The following NR2F1-AS1 variants were observed in gnomAD, a reference collection of about 807,000 sequenced individuals.
The protein encoded by NR2F1-AS1 is NR2F1 antisense RNA 1.
chr5:93,574,299 C>T (rs993292387), intron 1 of NR2F1-AS1, among the ~76,000 whole-genome samples: 3 of 152,196 alleles, frequency 2.0e-5, no homozygotes. Context: ...TGTCCAGCGG[C>T]TGAAAGCCTG....
chr5:93,519,500 C>G (rs1322860836), intron 4 of NR2F1-AS1, among the ~76,000 whole-genome samples: 1 of 151,816 alleles, frequency 6.6e-6, no homozygotes, highest in African/African-American at 2.4e-5. Flanking sequence ...CTGAAAGGAC[C>G]CTTAATTTCT....
chr5:93,533,488 T>G (rs1177071380), intron 4 of NR2F1-AS1, among the ~76,000 whole-genome samples: 6 of 152,150 alleles, frequency 3.9e-5, no homozygotes, highest in Non-Finnish European at 8.8e-5. Flanking sequence ...TTTACATATA[T>G]ATTCACCACT....
At chr5:93,502,607 G>T (rs1430683662) in intron 4 of NR2F1-AS1, among the ~76,000 whole-genome samples, 1 of 152,036 alleles carries the variant, frequency 6.6e-6, no homozygotes, top group Admixed American at 6.6e-5. Flanking sequence ...ATATTCAAAA[G>T]ATGGCTTATT....
intron 4 of NR2F1-AS1, among the ~76,000 whole-genome samples, chr5:93,487,472 AT>A (rs1463012114): frequency 1.3e-5 from 2 of 152,212 alleles, no homozygotes; most frequent in African/African-American, 4.8e-5. Flanking sequence ...CAGCCAAATC[AT>A]GAGTGAACTC....
intron 4 of NR2F1-AS1, among the ~76,000 whole-genome samples, chr5:93,437,011 T>C (rs1749446916): frequency 6.6e-6 from 1 of 151,754 alleles, no homozygotes; most frequent in Non-Finnish European, 1.5e-5. Context: ...TTAAATACCA[T>C]GTAAATTCAC....
chr5:93,573,155 C>A (rs1166550869), intron 1 of NR2F1-AS1, among the ~76,000 whole-genome samples: 1 of 152,184 alleles, frequency 6.6e-6, no homozygotes, highest in Non-Finnish European at 1.5e-5. Context: ...TTCGCAAGAC[C>A]GCAGCTCCCT....
chr5:93,538,287 A>G (rs940966125), intron 4 of NR2F1-AS1, among the ~76,000 whole-genome samples: 7 of 152,152 alleles, frequency 4.6e-5, no homozygotes, highest in African/African-American at 1.7e-4. Flanking sequence ...AGCCTGGACA[A>G]TATAGTAAAA....
chr5:93,542,122 G>A (rs1048085477), intron 4 of NR2F1-AS1: 11 of 146,636 alleles, frequency 7.5e-5, no homozygotes, highest in Admixed American at 7.0e-4. Flanking sequence ...CAAGTACCAG[G>A]GTAAAACATA....
intron 4 of NR2F1-AS1, among the ~76,000 whole-genome samples, chr5:93,482,569 C>T (rs1426395462): frequency 2.0e-5 from 3 of 151,916 alleles, no homozygotes; most frequent in Non-Finnish European, 2.9e-5. Flanking sequence ...TTTTTTTATA[C>T]CCCAGTGGAG....
upstream of NR2F1-AS1, chr5:93,583,452 C>A (rs1753164020): frequency 6.6e-6 from 1 of 151,354 alleles, no homozygotes; most frequent in African/African-American, 2.4e-5. Flanking sequence ...TCTTCTTCTC[C>A]TTTCTCTCCT....
chr5:93,488,273 C>A (rs1750767959), intron 4 of NR2F1-AS1, among the ~76,000 whole-genome samples: 1 of 152,042 alleles, frequency 6.6e-6, no homozygotes, highest in Non-Finnish European at 1.5e-5. Flanking sequence ...TTCTGCATAG[C>A]AAAAGAAACT....
intron 4 of NR2F1-AS1, among the ~76,000 whole-genome samples, chr5:93,533,015 G>A (rs751635434): frequency 7.9e-4 from 120 of 152,192 alleles, no homozygotes; most frequent in Non-Finnish European, 1.4e-3. Flanking sequence ...AAAATCACAC[G>A]ATCTTTTAGT....
At chr5:93,418,546 G>A (rs542853201) in intron 4 of NR2F1-AS1, among the ~76,000 whole-genome samples, 50 of 151,966 alleles carry the variant, frequency 3.3e-4, no homozygotes, top group Admixed American at 5.9e-4. Context: ...AGATTGCACC[G>A]CTGCAGTCCA....
upstream of NR2F1-AS1, among the ~76,000 whole-genome samples, chr5:93,582,629 A>G (rs1365985726): frequency 6.6e-6 from 1 of 152,220 alleles, no homozygotes. Context: ...AACATTTTCA[A>G]TGACACTCTC....
intron 4 of NR2F1-AS1, among the ~76,000 whole-genome samples, chr5:93,517,637 T>A (rs542324018): frequency 6.6e-6 from 1 of 152,164 alleles, no homozygotes; most frequent in South Asian, 2.1e-4. Flanking sequence ...GAAGCAAATT[T>A]TAAAAGAATG....
At chr5:93,444,111 G>T (rs1749637636) in intron 4 of NR2F1-AS1, among the ~76,000 whole-genome samples, 1 of 152,180 alleles carries the variant, frequency 6.6e-6, no homozygotes, top group South Asian at 2.1e-4. Context: ...AAATTGTAAA[G>T]ACCATCAATG....
chr5:93,456,219 AAACT>A (rs1467301990), intron 4 of NR2F1-AS1, among the ~76,000 whole-genome samples: 9 of 152,226 alleles, frequency 5.9e-5, no homozygotes, highest in African/African-American at 1.9e-4. Context: ...ACAACCTACC[AAACT>A]AATAAATGAG....
chr5:93,585,262 G>A, upstream of NR2F1-AS1: 1 of 1,587,242 alleles, frequency 6.3e-7, no homozygotes, highest in Non-Finnish European at 8.6e-7. Flanking sequence ...TCGGGCCAGA[G>A]CCAGCAGCAC....
chr5:93,555,041 T>C (rs1752322246), intron 2 of NR2F1-AS1: 1 of 152,208 alleles, frequency 6.6e-6, no homozygotes, highest in Admixed American at 6.5e-5. Flanking sequence ...CATATAAACA[T>C]TTCCAGTCAC....
Sources: allele counts gnomAD v4.1 joint callset (sites outside exome capture counted in the v4.1 genomes callset), GRCh38; gene constraint gnomAD v4.1.1; transcripts MANE v1.5; gene names NCBI Gene and HGNC (gene_info 2026-07-23, HGNC 2026-07-21).